The following GRK5 variants were observed in gnomAD, a reference collection of about 807,000 sequenced individuals.
GRK5 encodes g protein-coupled receptor kinase GRK5.
A neutral mutation model predicts 78.4 loss-of-function variants in GRK5; 40 were observed. The observed-to-expected ratio is 0.51, with a 90% CI of 0.40 to 0.66. The LOEUF is 0.66. Ranked by LOEUF, GRK5 falls within the 30% of genes least tolerant of loss-of-function variation. The probability of loss-of-function intolerance (pLI) is 0.00; values close to 1 mark genes in which losing one functional copy is unlikely to be tolerated. For synonymous variants in GRK5, 289 were observed against 296.8 expected, an observed-to-expected ratio of 0.97 and a Z score of 0.27; for missense variants, 598 against 759.9, an observed-to-expected ratio of 0.79 and a Z score of 2.50.
chr10:119,340,319 GC>G (rs1292032646), intron 2 of GRK5, among the ~76,000 whole-genome samples: 1 of 152,094 alleles, frequency 6.6e-6, no homozygotes. Context: ...TAGAGACAGG[GC>G]TTTGCCATAT....
At chr10:119,418,023 G>T (rs1267201967) in intron 4 of GRK5, among the ~76,000 whole-genome samples, 1 of 152,158 alleles carries the variant, frequency 6.6e-6, no homozygotes, top group Non-Finnish European at 1.5e-5. Context: ...GGGAAGAGGT[G>T]GTAAGAAGGA....
At chr10:119,331,138 G>A (rs562603033) in intron 2 of GRK5, among the ~76,000 whole-genome samples, 2 of 152,280 alleles carry the variant, frequency 1.3e-5, no homozygotes, top group East Asian at 3.9e-4. Context: ...CCCCCGCCGC[G>A]ACCATGGGCC....
Position 119,253,321 on chromosome 10 carries a change from A to G in GRK5, c.52+45352A>G, listed in dbSNP as rs1849231172. On this transcript the variant is annotated intron_variant, in intron 1 of 15. Transcript: ENST00000392870. This position sits in a 1 kb window ranked among gnomAD's most constrained non-coding sequence, Gnocchi z 5.7. ...AGTTCAGCATTGCATTAGAAAAGGA[A>G]TTACATCAGGTCACTGATGTCTTCT... 6.6e-6 allele frequency among the ~76,000 whole-genome samples: 1 copy of G among 152,134 alleles called. No individual in the cohort carries two copies. Among genetic ancestry groups the G allele is most frequent in the Non-Finnish European group, 1.5e-5 (1 of 68,014 alleles).
chr10:119,421,871 G>A (rs935211851), intron 4 of GRK5, among the ~76,000 whole-genome samples: 6 of 152,182 alleles, frequency 3.9e-5, no homozygotes, highest in African/African-American at 9.7e-5. Context: ...ATTCAGAACC[G>A]TGGGGAACAG....
At chr10:119,281,669 G>T (rs1020004385) in intron 1 of GRK5, among the ~76,000 whole-genome samples, 4 of 152,178 alleles carry the variant, frequency 2.6e-5, no homozygotes, top group Admixed American at 1.3e-4. Flanking sequence ...CTGGGTTCCC[G>T]GGGTGGTGGT....
chr10:119,252,692 G>A (rs960655398), intron 1 of GRK5, among the ~76,000 whole-genome samples: 4 of 152,142 alleles, frequency 2.6e-5, no homozygotes, highest in East Asian at 1.9e-4. Flanking sequence ...GTTAAGAGAC[G>A]GAAATGTGGC....
At chr10:119,396,801 G>A in intron 4 of GRK5, 29 bp downstream of exon 4, 1 of 1,568,442 alleles carries the variant, frequency 6.4e-7, no homozygotes, top group Non-Finnish European at 8.8e-7. Context: ...CCCACAGCAG[G>A]TGGCACAGGA....
At position 119,378,399 on chromosome 10, in the gene GRK5, C is replaced by G. The variant is rs997300637; in HGVS notation, c.149-2416C>G. 5.3e-5 allele frequency among the ~76,000 whole-genome samples: 8 copies of G among 152,212 alleles called. No individual in the cohort carries two copies. The highest frequency in any genetic ancestry group is 6.5e-5 in the Admixed American group (1 of 15,280). ...GAGGGGACTTGGCAGGTTGCTCATC[C>G]ATGCTGATCCAAATACTCACTCGGG... On this transcript the variant is annotated intron_variant, in intron 2 of 15. Transcript: ENST00000392870. The surrounding 1 kb of genome is among the most constrained non-coding windows in gnomAD (Gnocchi z 4.5).
intron 2 of GRK5, among the ~76,000 whole-genome samples, chr10:119,340,792 T>C (rs1850969344): frequency 6.6e-6 from 1 of 152,206 alleles, no homozygotes; most frequent in Non-Finnish European, 1.5e-5. Flanking sequence ...GGGGACTCAG[T>C]ATTCCTCACC....
chr10:119,352,677 A>C (rs935171298), intron 2 of GRK5, among the ~76,000 whole-genome samples: 8 of 152,128 alleles, frequency 5.3e-5, no homozygotes, highest in African/African-American at 1.9e-4. Context: ...TGCAGCGATT[A>C]TGTCACCTGC....
At chr10:119,265,611 C>T (rs1419837809) in intron 1 of GRK5, among the ~76,000 whole-genome samples, 2 of 152,198 alleles carry the variant, frequency 1.3e-5, no homozygotes, top group Non-Finnish European at 2.9e-5. Flanking sequence ...TTTAGACTCA[C>T]GGGCAATGAA....
intron 1 of GRK5, among the ~76,000 whole-genome samples, chr10:119,250,643 C>T (rs576059612): frequency 6.6e-6 from 1 of 152,122 alleles, no homozygotes; most frequent in East Asian, 1.9e-4. Flanking sequence ...GCCACTGTGC[C>T]TGGCCCTACA....
intron 1 of GRK5, among the ~76,000 whole-genome samples, chr10:119,291,540 TTCCTCCTCCTCCTCTTCC>T (rs1331179223): frequency 2.4e-5 from 3 of 123,156 alleles, no homozygotes; most frequent in African/African-American, 1.0e-4. Context: ...CCTCCTCCTC[TTCCTCCTCCTCCTCTTCC>T]TCCTCCTCCT....
intron 1 of GRK5, among the ~76,000 whole-genome samples, chr10:119,252,087 C>T (rs569954974): frequency 6.6e-6 from 1 of 152,348 alleles, no homozygotes; most frequent in African/African-American, 2.4e-5. Flanking sequence ...TCTTCACTCT[C>T]CCTGACCATC....
intron 13 of GRK5, among the ~76,000 whole-genome samples, chr10:119,451,651 G>A (rs1158992836): frequency 2.6e-5 from 4 of 152,176 alleles, no homozygotes; most frequent in Admixed American, 1.3e-4. Flanking sequence ...ACCCCTGCCC[G>A]CACCCCTGCT....
intron 13 of GRK5, among the ~76,000 whole-genome samples, chr10:119,449,253 CT>C (rs1476706694): frequency 1.3e-5 from 2 of 152,246 alleles, no homozygotes; most frequent in African/African-American, 2.4e-5. Context: ...CTGCGTCCCC[CT>C]CTCCCAGAAC....
intron 13 of GRK5, among the ~76,000 whole-genome samples, chr10:119,451,179 G>T (rs1313183737): frequency 2.0e-5 from 3 of 149,786 alleles, no homozygotes; most frequent in East Asian, 3.9e-4. Context: ...CACTGTCGGG[G>T]CTGCTGCCAC....
intron 4 of GRK5, among the ~76,000 whole-genome samples, chr10:119,400,515 C>T (rs1852132788): frequency 6.6e-6 from 1 of 152,066 alleles, no homozygotes; most frequent in South Asian, 2.1e-4. Context: ...TGGCAGCTTC[C>T]TACCCAGAGT....
chr10:119,273,133 T>C (rs997469797), intron 1 of GRK5, among the ~76,000 whole-genome samples: 4 of 152,192 alleles, frequency 2.6e-5, no homozygotes, highest in Admixed American at 2.0e-4. Context: ...TTAAGCCTCA[T>C]TGAGAGGCCC....
Sources: allele counts gnomAD v4.1 joint callset (sites outside exome capture counted in the v4.1 genomes callset), GRCh38; gene constraint gnomAD v4.1.1; non-coding constraint Gnocchi (gnomAD v3.1); transcripts MANE v1.5; gene names NCBI Gene and HGNC (gene_info 2026-07-23, HGNC 2026-07-21).